Variants in DSC2 observed in about 807,000 individuals in gnomAD.
DSC2 encodes the protein desmocollin-2.
In DSC2, 51 loss-of-function variants were observed where a neutral mutation model predicts 87.6. That is an observed-to-expected ratio of 0.58 (90% CI 0.46 to 0.74). The LOEUF (loss-of-function observed/expected upper bound fraction) is 0.74, where lower values mean the gene tolerates loss of function less well. Among genes scored for constraint, DSC2 ranks in the 30% least tolerant of loss-of-function variants. The pLI is 0.00. For missense variants in DSC2, 1,066 were observed against 1,089.5 expected, an observed-to-expected ratio of 0.98 and a Z score of 0.30; for synonymous variants, 383 against 393.2, an observed-to-expected ratio of 0.97 and a Z score of 0.31.
chr18:31,100,432 G>A (rs972466302), intron 1 of DSC2, among the ~76,000 whole-genome samples: 8 of 152,176 alleles, frequency 5.3e-5, no homozygotes, highest in African/African-American at 1.4e-4. Context: ...TTTATTAGGA[G>A]TCTAATGAAA....
rs1986472951 is a variant in DSC2 at position 31,060,099 on chromosome 18, T to C, written c.*7916A>G. ...TCCATTGTCCTCAATTATGGTACAT[T>C]GTATCACAGTAATGGATCATACATC... On this transcript the variant is annotated 3_prime_UTR_variant, in exon 16 of 16. Transcript: ENST00000280904. The C allele has an allele frequency of 6.6e-6, 1 of 152,196 alleles. No individual in the cohort carries two copies. Among genetic ancestry groups the C allele is most frequent in the African/African-American group, 2.4e-5 (1 of 41,462 alleles). The allele number at this position is 152,196 out of a possible 1,614,324, so 9.4% of individuals were successfully genotyped here. A position where few individuals can be genotyped will look rare whatever the true frequency, so the allele number is the denominator to read the frequency against.
rs561450063 is a variant in DSC2 at position 31,083,337 on chromosome 18, G to T, written c.943-277C>A. Among the ~76,000 whole-genome samples the T allele has an allele frequency of 1.1e-5, 1 of 90,054 alleles. No individual in the cohort carries two copies. Among genetic ancestry groups the T allele is most frequent in the African/African-American group, 3.5e-5 (1 of 28,948 alleles). 59.1% of individuals were successfully genotyped at this position (90,054 alleles called of 152,430 possible). A position where few individuals can be genotyped will look rare whatever the true frequency, so the allele number is the denominator to read the frequency against. ...CAACCTCTGCCTCCCGGGTTCAAGC[G>T]AGGCAGGAGAATCACACTAGGAATT... On this transcript the variant is annotated intron_variant, in intron 7 of 15. Coordinates refer to ENST00000280904, the MANE Select transcript of DSC2 (RefSeq NM_024422.6).
chr18:31,067,959 T>C lies in DSC2; in HGVS notation c.*56A>G. ...TCTGCTTTAAAAAATTCTTGGTTTGTAATTTTTTTTAAAAGTCATAAAGCC... is the reference window on the plus strand; with the variant it reads ...TCTGCTTTAAAAAATTCTTGGTTTGCAATTTTTTTTAAAAGTCATAAAGCC... On this transcript the variant is annotated 3_prime_UTR_variant, in exon 16 of 16. Transcript: ENST00000280904. 1 of 1,560,948 alleles carries C rather than the reference T, an allele frequency of 6.4e-7. No homozygotes were observed. Among genetic ancestry groups the C allele is most frequent in the Non-Finnish European group, 8.8e-7 (1 of 1,136,964 alleles).
intron 14 of DSC2, among the ~76,000 whole-genome samples, chr18:31,069,789 A>G (rs1461622346): frequency 6.6e-6 from 1 of 152,064 alleles, no homozygotes; most frequent in Non-Finnish European, 1.5e-5. Context: ...CTCACACCTC[A>G]AAATAAACAC....
Position 31,071,823 on chromosome 18 carries a change from G to T in DSC2, c.1907C>A (p.Ser636Tyr). The T allele has an allele frequency of 6.2e-7, 1 of 1,613,492 alleles. No individual in the cohort carries two copies. The change falls in exon 13 of 16, where the codon TCC (serine) becomes TAC (tyrosine). Residue 636 changes from serine (S) to tyrosine (Y), a missense_variant. Physicochemically the swap from Ser to Tyr is moderately radical, Grantham distance 144. Transcript: ENST00000280904. ...KAINDTAARLSYQNDPPFGSY... is the reference protein window; with the variant it reads ...KAINDTAARLYYQNDPPFGSY... ...GCCAAATGGAGGATCATTCTGATAG[G>T]AAAGACGTGCTGCTGTATCTGAAAA...
chr18:31,081,307 A>G (rs1371387946), intron 9 of DSC2, among the ~76,000 whole-genome samples: 1 of 152,162 alleles, frequency 6.6e-6, no homozygotes, highest in Admixed American at 6.5e-5. Flanking sequence ...ACGGGAACAT[A>G]TTTAATAAAA....
rs368353349 is a variant in DSC2, at chr18:31,071,806, G to A, written c.1924C>T (p.Pro642Ser). The change falls in exon 13 of 16, where the codon CCA (proline) becomes TCA (serine). Residue 642 changes from proline to serine, a missense_variant. Coordinates refer to ENST00000280904, the MANE Select transcript of DSC2 (RefSeq NM_024422.6). ...ATAGGTACTACATATGAGCCAAATG[G>A]AGGATCATTCTGATAGGAAAGACGT... ...AARLSYQNDP[P>S]FGSYVVPITV... 6.2e-7 allele frequency: 1 copy of A among 1,613,950 alleles called. No individual in the cohort carries two copies.
Position 31,090,505 on chromosome 18 carries a change from T to C in DSC2, c.474+523A>G, listed in dbSNP as rs114944248. Among the ~76,000 whole-genome samples the C allele has an allele frequency of 6.6e-3, 1,000 of 152,156 alleles. 11 individuals carry two copies. Among genetic ancestry groups the C allele is most frequent in the African/African-American group, 0.023 (944 of 41,492 alleles). On this transcript the variant is annotated intron_variant, in intron 4 of 15. Transcript: ENST00000280904. Reference sequence around the variant, plus strand: ...TGGGAGGTTGAGATGGGAGATCATTTCAGCCTAGGAGTTCAAAACCAGCCT... The same window carrying C: ...TGGGAGGTTGAGATGGGAGATCATTCCAGCCTAGGAGTTCAAAACCAGCCT...
At position 31,064,185 on chromosome 18, in the gene DSC2, AGCTTTTTAAAAACATGCATTAT is replaced by A. The variant is rs1269121206; in HGVS notation, c.*3808_*3829del. On this transcript the variant is annotated 3_prime_UTR_variant, in exon 16 of 16. Transcript: ENST00000280904. The stretch of plus-strand genomic sequence containing the variant: ...CCTGAAGTTCTTTCACATCATCTGA[AGCTTTTTAAAAACATGCATTAT>A]GCACTTACTATGTGCCAGGCATTGT... 1.3e-5 allele frequency: 2 copies of A among 152,172 alleles called. No homozygotes were observed. The highest frequency in any genetic ancestry group is 3.9e-4 in the East Asian group (2 of 5,186). The allele number at this position is 152,172 out of a possible 1,614,324, so 9.4% of individuals were successfully genotyped here.
intron 3 of DSC2, chr18:31,091,417 TG>T (rs1987593783): frequency 1.8e-6 from 1 of 541,398 alleles, no homozygotes; most frequent in Non-Finnish European, 3.5e-6. Context: ...GAAGCAAAAC[TG>T]AAAAAAAAAT....
chr18:31,088,371 T>C (rs1214202382), intron 5 of DSC2, among the ~76,000 whole-genome samples: 1 of 152,156 alleles, frequency 6.6e-6, no homozygotes, highest in East Asian at 1.9e-4. Flanking sequence ...TAAACTGTGG[T>C]GGAATACAGT....
intron 1 of DSC2, among the ~76,000 whole-genome samples, chr18:31,094,606 T>C (rs776380150): frequency 1.2e-4 from 18 of 152,172 alleles, no homozygotes; most frequent in Non-Finnish European, 2.6e-4. Flanking sequence ...AGCAAGACAG[T>C]TAACTAGCAT....
intron 1 of DSC2, among the ~76,000 whole-genome samples, chr18:31,094,758 G>A (rs947192579): frequency 6.6e-6 from 1 of 152,196 alleles, no homozygotes; most frequent in South Asian, 2.1e-4. Flanking sequence ...CAGAGGTTGT[G>A]TTTCATTTGG....
In DSC2 at chr18:31,087,763, C is replaced by A; in HGVS notation, c.681G>T (p.Leu227=). The A allele has an allele frequency of 6.2e-7, 1 of 1,613,714 alleles. No homozygotes were observed. The highest frequency in any genetic ancestry group is 8.5e-7 in the Non-Finnish European group (1 of 1,179,772). The part of the protein sequence containing the change: ...TPDGYTPELP[L]PLIIKIEDEN... ...CATCCTCTATTTTGATTATTAGGGG[C>A]AGTGGAAGTTCTGGAGTATACCCAT... Residue 227 remains leucine (L), a synonymous_variant, in exon 6 of 16, where the codon CTG becomes CTT. Coordinates refer to ENST00000280904, the MANE Select transcript of DSC2 (RefSeq NM_024422.6).
intron 9 of DSC2, among the ~76,000 whole-genome samples, chr18:31,081,592 A>G (rs1463638269): frequency 6.6e-6 from 1 of 152,218 alleles, no homozygotes; most frequent in Non-Finnish European, 1.5e-5. Flanking sequence ...CCTTGTGAAT[A>G]TATACAAAAA....
At position 31,068,109 on chromosome 18, in the gene DSC2, C is replaced by A; in HGVS notation, c.2612G>T (p.Cys871Phe). The A allele has an allele frequency of 6.2e-7, 1 of 1,614,062 alleles. No homozygotes were observed. Among genetic ancestry groups the A allele is most frequent in the Non-Finnish European group, 8.5e-7 (1 of 1,179,996 alleles). The part of the protein sequence containing the change: ...GRGSVAGSVG[C>F]CSERQEEDGL... ...ATCTTCTTCTTGTCGTTCACTGCAACAACCTACAGACCCAGCCACCGATCC... is the reference window on the plus strand; with the variant it reads ...ATCTTCTTCTTGTCGTTCACTGCAAAAACCTACAGACCCAGCCACCGATCC... The change falls in exon 16 of 16, where the codon TGT (cysteine) becomes TTT (phenylalanine). Residue 871 changes from cysteine (C) to phenylalanine (F), a missense_variant. By Grantham distance (205) the Cys-to-Phe change is radical. Coordinates refer to ENST00000280904, the MANE Select transcript of DSC2 (RefSeq NM_024422.6).
intron 12 of DSC2, among the ~76,000 whole-genome samples, chr18:31,073,977 G>A (rs958833698): frequency 6.6e-6 from 1 of 152,228 alleles, no homozygotes; most frequent in African/African-American, 2.4e-5. Context: ...TTCAAAGAAG[G>A]ACTTGCATCC....
intron 1 of DSC2, among the ~76,000 whole-genome samples, chr18:31,099,868 A>G (rs1428809954): frequency 1.3e-5 from 2 of 152,070 alleles, no homozygotes; most frequent in Non-Finnish European, 2.9e-5. Context: ...CCTACCAAAG[A>G]TATTTCTCCC....
Position 31,093,564 on chromosome 18 carries a change from C to T in DSC2, c.149G>A (p.Gly50Asp), listed in dbSNP as rs397517391. The T allele has an allele frequency of 6.7e-5, 108 of 1,605,196 alleles. No homozygotes were observed. Among genetic ancestry groups the T allele is most frequent in the Non-Finnish European group, 8.4e-5 (99 of 1,174,150 alleles). ...AAATTTTAGGGCTTCCTTACCTCTA[C>T]CAACAAGTTTCTCGGCATCTAGTTT... The part of the protein sequence containing the change: ...PSKLDAEKLV[G>D]RVNLKECFTA... The change falls in exon 2 of 16, where the codon GGT becomes GAT. Residue 50 changes from glycine (G) to aspartate (D), a missense_variant. Physicochemically the swap from Gly to Asp is moderately conservative, Grantham distance 94 (BLOSUM62 -1). Coordinates refer to ENST00000280904, the MANE Select transcript of DSC2 (RefSeq NM_024422.6).
Sources: gnomAD v4.1 joint callset for allele counts (sites outside exome capture counted in the v4.1 genomes callset) on GRCh38, gnomAD v4.1.1 for gene constraint, MANE v1.5 for transcripts, NCBI Gene and HGNC (gene_info 2026-07-23, HGNC 2026-07-21) for gene names.